Variants in NEBL observed in about 807,000 individuals in gnomAD.
NEBL encodes LIM and SH3 protein 2.
Under a neutral mutation model 140.2 loss-of-function variants are expected in NEBL, and 122 were observed. The observed-to-expected ratio is 0.87, with a 90% CI of 0.75 to 1.01. NEBL has a LOEUF of 1.01. Ranked by LOEUF, NEBL falls within the 50% of genes least tolerant of loss-of-function variation. NEBL has a pLI of 0.00. For synonymous variants in NEBL, 436 were observed against 398.9 expected (o/e 1.09, Z -1.11); for missense variants, 1,365 against 1,231.3 (o/e 1.11, Z -1.62).
chr10:21,267,034 G>A (rs1056466476), intron 1 of NEBL, among the ~76,000 whole-genome samples: 26 of 152,162 alleles, frequency 1.7e-4, no homozygotes, highest in Admixed American at 3.3e-4. Context: ...GAGTGCAACG[G>A]CGCGATCTCG....
intron 2 of NEBL, among the ~76,000 whole-genome samples, chr10:21,081,622 G>A (rs2131936752): frequency 6.6e-6 from 1 of 152,290 alleles, no homozygotes; most frequent in East Asian, 1.9e-4. Flanking sequence ...CATACTTAAT[G>A]TCCCTAGACG....
At chr10:21,064,547 T>C (rs1307664450) in intron 2 of NEBL, among the ~76,000 whole-genome samples, 4 of 152,242 alleles carry the variant, frequency 2.6e-5, no homozygotes, top group Non-Finnish European at 5.9e-5. Context: ...TATTAACCAT[T>C]TAAAAGCAAC....
intron 2 of NEBL, among the ~76,000 whole-genome samples, chr10:21,158,575 C>G (rs1405481859): frequency 6.6e-6 from 1 of 152,200 alleles, no homozygotes; most frequent in African/African-American, 2.4e-5. Flanking sequence ...GGTCCCTTCA[C>G]TCCCCCACCA....
intron 2 of NEBL, among the ~76,000 whole-genome samples, chr10:21,169,067 A>AATATATATATATATATATAT (rs1176763018): frequency 2.6e-4 from 6 of 23,066 alleles, no homozygotes; most frequent in Admixed American, 7.6e-4. Context: ...AAAAAAAAAA[A>AATATATATATATATATATAT]ATATATATAT....
intron 2 of NEBL, among the ~76,000 whole-genome samples, chr10:21,119,516 G>C (rs1035587204): frequency 7.0e-6 from 1 of 143,860 alleles, no homozygotes; most frequent in African/African-American, 2.6e-5. Flanking sequence ...TAGTTATATT[G>C]AGTAATATAC....
At chr10:20,886,293 TG>T in intron 4 of NEBL, among the ~76,000 whole-genome samples, 1 of 151,870 alleles carries the variant, frequency 6.6e-6, no homozygotes, top group Non-Finnish European at 1.5e-5. Flanking sequence ...GAGTCTGAGG[TG>T]GGCAGATCGC....
At chr10:21,138,097 A>T (rs886450892) in intron 2 of NEBL, among the ~76,000 whole-genome samples, 2 of 152,140 alleles carry the variant, frequency 1.3e-5, no homozygotes, top group African/African-American at 4.8e-5. Flanking sequence ...GAGGGTAATG[A>T]TATCTATAAC....
intron 3 of NEBL, among the ~76,000 whole-genome samples, chr10:20,964,734 T>C (rs1589083709): frequency 6.6e-6 from 1 of 152,054 alleles, no homozygotes; most frequent in Non-Finnish European, 1.5e-5. Context: ...GCTGTAAAAG[T>C]GGAGTTGCTG....
intron 2 of NEBL, among the ~76,000 whole-genome samples, chr10:21,161,279 G>T (rs1589298025): frequency 6.6e-6 from 1 of 151,996 alleles, no homozygotes; most frequent in African/African-American, 2.4e-5. Flanking sequence ...TGATTCTCCT[G>T]CTTCAGCCTC....
At chr10:20,868,833 CCA>C (rs1844609400) in intron 6 of NEBL, 68 bp from the exon 7 acceptor site, 3 of 826,826 alleles carry the variant, frequency 3.6e-6, no homozygotes, top group Admixed American at 5.7e-5. Context: ...TTGACATTAG[CCA>C]AAAAAAAAAA....
intron 1 of NEBL, among the ~76,000 whole-genome samples, chr10:21,286,899 A>G (rs1341664821): frequency 6.6e-6 from 1 of 152,064 alleles, no homozygotes; most frequent in African/African-American, 2.4e-5. Context: ...AGGAACAGAC[A>G]ATTTGACCTT....
At chr10:20,843,714 G>A (rs903426279) in intron 12 of NEBL, among the ~76,000 whole-genome samples, 1 of 151,870 alleles carries the variant, frequency 6.6e-6, no homozygotes, top group Admixed American at 6.6e-5. Context: ...ACACATAATT[G>A]TACATATTTA....
chr10:20,987,742 A>G (rs1837310948), intron 3 of NEBL, among the ~76,000 whole-genome samples: 1 of 152,194 alleles, frequency 6.6e-6, no homozygotes, highest in Non-Finnish European at 1.5e-5. Context: ...AAGAACTGCA[A>G]TGAACAAGTA....
At chr10:20,903,571 G>A (rs146354268) in intron 4 of NEBL, among the ~76,000 whole-genome samples, 1 of 152,258 alleles carries the variant, frequency 6.6e-6, no homozygotes, top group African/African-American at 2.4e-5. Flanking sequence ...CATGTGTTAT[G>A]TTTCTCACAG....
chr10:20,879,887 T>C (rs1365719902), intron 5 of NEBL, among the ~76,000 whole-genome samples: 1 of 152,114 alleles, frequency 6.6e-6, no homozygotes, highest in Non-Finnish European at 1.5e-5. Flanking sequence ...ACCAGGATGG[T>C]GGTGGTAATC....
chr10:21,102,597 G>T (rs139625541), intron 2 of NEBL, among the ~76,000 whole-genome samples: 35 of 152,158 alleles, frequency 2.3e-4, no homozygotes, highest in African/African-American at 7.5e-4. Context: ...TGTCTTACTG[G>T]CATGCTTGAC....
At chr10:21,208,151 G>T (rs1298833107) in intron 3 of NEBL, among the ~76,000 whole-genome samples, 1 of 152,182 alleles carries the variant, frequency 6.6e-6, no homozygotes, top group Non-Finnish European at 1.5e-5. Context: ...AGGATAAAGG[G>T]CTAGGAAATT....
At chr10:21,185,640 A>C (rs1343010209) in intron 3 of NEBL, among the ~76,000 whole-genome samples, 4 of 151,686 alleles carry the variant, frequency 2.6e-5, no homozygotes, top group East Asian at 3.9e-4. Flanking sequence ...CTGGGATTAC[A>C]GGCATGCCAC....
chr10:20,980,901 A>G (rs1465620613), intron 3 of NEBL, among the ~76,000 whole-genome samples: 1 of 152,210 alleles, frequency 6.6e-6, no homozygotes, highest in Non-Finnish European at 1.5e-5. Context: ...AAGGCTGGTA[A>G]GAACTGTGCT....
Sources: allele counts gnomAD v4.1 joint callset (sites outside exome capture counted in the v4.1 genomes callset), GRCh38; gene constraint gnomAD v4.1.1; transcripts MANE v1.5; gene names NCBI Gene and HGNC (gene_info 2026-07-23, HGNC 2026-07-21).